Variants in R3HDM2 observed in about 807,000 individuals in gnomAD.
The protein encoded by R3HDM2 is R3H domain containing 2, also known as R3H domain-containing protein 2.
R3HDM2 carries 38 observed loss-of-function variants against 124.5 expected under a neutral mutation model. The observed-to-expected ratio is 0.31, with a 90% CI of 0.24 to 0.40. R3HDM2 has a LOEUF of 0.40. Ranked by LOEUF, R3HDM2 falls within the 10% of genes least tolerant of loss-of-function variation. R3HDM2 has a pLI of 1.00. For missense variants in R3HDM2, 869 were observed against 1,236.9 expected, an observed-to-expected ratio of 0.70 and a Z score of 4.46; for synonymous variants, 391 against 448.0, an observed-to-expected ratio of 0.87 and a Z score of 1.61.
chr12:57,260,124 C>T (rs963610160), intron 19 of R3HDM2, among the ~76,000 whole-genome samples: 21 of 151,482 alleles, frequency 1.4e-4, no homozygotes, highest in African/African-American at 5.1e-4. Context: ...ATGAGCTGGG[C>T]ATGGTGGCAA....
intron 19 of R3HDM2, among the ~76,000 whole-genome samples, chr12:57,261,085 T>C (rs2040697367): frequency 6.6e-6 from 1 of 152,138 alleles, no homozygotes; most frequent in Non-Finnish European, 1.5e-5. Flanking sequence ...ATAGGAAAAC[T>C]GCACAGTTGT....
At chr12:57,393,483 C>T (rs1205405520) in intron 2 of R3HDM2, among the ~76,000 whole-genome samples, 2 of 151,698 alleles carry the variant, frequency 1.3e-5, no homozygotes, top group Admixed American at 1.3e-4. Context: ...TCATCTCTAA[C>T]AAAATAAAAT....
At chr12:57,424,666 G>T (rs937989174) in intron 1 of R3HDM2, among the ~76,000 whole-genome samples, 1 of 152,070 alleles carries the variant, frequency 6.6e-6, no homozygotes, top group South Asian at 2.1e-4. Flanking sequence ...AAAGACACAG[G>T]CCCAACAAAA....
chr12:57,377,127 A>AG (rs2064189100), intron 2 of R3HDM2, among the ~76,000 whole-genome samples: 1 of 141,820 alleles, frequency 7.1e-6, no homozygotes, highest in Admixed American at 7.3e-5. Context: ...TCTCAGAAAA[A>AG]AAAAAAAAAT....
chr12:57,418,746 T>C (rs1384958687), intron 1 of R3HDM2, among the ~76,000 whole-genome samples: 1 of 151,940 alleles, frequency 6.6e-6, no homozygotes, highest in Non-Finnish European at 1.5e-5. Context: ...GTATTTTTGG[T>C]AGAGATGGGG....
intron 2 of R3HDM2, among the ~76,000 whole-genome samples, chr12:57,332,747 G>A (rs1217541316): frequency 6.6e-6 from 1 of 152,144 alleles, no homozygotes; most frequent in Non-Finnish European, 1.5e-5. Context: ...TTACCCTAAG[G>A]TGAGTTATCC....
rs183965547 is a variant in R3HDM2 at position 57,376,874 on chromosome 12, T to A, written c.-36+18875A>T. On this transcript the variant is annotated intron_variant, in intron 2 of 23. Transcript: ENST00000402412. ...GCTGAGACAGAAGAATCACTTGAAC[T>A]CAGGAGGCGGCGGTTGCAATGAGCC... Among the ~76,000 whole-genome samples the A allele has an allele frequency of 1.6e-3, 241 of 151,542 alleles. 1 individual carries two copies. The highest frequency in any genetic ancestry group is 5.4e-3 in the African/African-American group (225 of 41,300).
chr12:57,285,494 T>A (rs936245292), intron 12 of R3HDM2, among the ~76,000 whole-genome samples: 1 of 152,088 alleles, frequency 6.6e-6, no homozygotes, highest in Admixed American at 6.6e-5. Context: ...AATGCTTCTA[T>A]GTAGTTAGTG....
chr12:57,419,144 CT>C lies in R3HDM2; in HGVS notation c.-106+11575del, dbSNP rs923524630. On this transcript the variant is annotated intron_variant, in intron 1 of 23. Coordinates refer to ENST00000402412, the MANE Select transcript of R3HDM2 (RefSeq NM_001394031.1). Reference sequence around the variant, plus strand: ...TATATACCATCCATATTCTCCTTTCCTTTTTTTTTTTTTTTTTGATACGGAT... The same window carrying C: ...TATATACCATCCATATTCTCCTTTCCTTTTTTTTTTTTTTTTGATACGGAT... 2.2e-3 allele frequency among the ~76,000 whole-genome samples: 300 copies of C among 139,264 alleles called. 1 individual carries two copies. Among genetic ancestry groups the C allele is most frequent in the Middle Eastern group, 0.015 (4 of 270 alleles). The allele number at this position is 139,264 out of a possible 152,430, so 91.4% of individuals were successfully genotyped here. A position where few individuals can be genotyped will look rare whatever the true frequency, so the allele number is the denominator to read the frequency against.
At chr12:57,317,160 G>T (rs1459094472) in intron 2 of R3HDM2, among the ~76,000 whole-genome samples, 1 of 151,368 alleles carries the variant, frequency 6.6e-6, no homozygotes, top group Admixed American at 6.6e-5. Flanking sequence ...TGGAATAAAG[G>T]TGTGACCACC....
chr12:57,341,986 C>T (rs190578756), intron 2 of R3HDM2, among the ~76,000 whole-genome samples: 1 of 152,230 alleles, frequency 6.6e-6, no homozygotes, highest in Non-Finnish European at 1.5e-5. Flanking sequence ...AGATAAAAAA[C>T]AGCAAATGAA....
At chr12:57,353,417 C>A (rs1255708026) in intron 2 of R3HDM2, among the ~76,000 whole-genome samples, 1 of 152,070 alleles carries the variant, frequency 6.6e-6, no homozygotes, top group African/African-American at 2.4e-5. Flanking sequence ...TCATGCCACA[C>A]CCAACAGACC....
chr12:57,324,607 G>A (rs1188633314), intron 2 of R3HDM2, among the ~76,000 whole-genome samples: 3 of 152,230 alleles, frequency 2.0e-5, no homozygotes, highest in African/African-American at 7.2e-5. Flanking sequence ...CTGCAAAGGA[G>A]AAACTGCTAT....
chr12:57,383,656 C>T (rs1295053065), intron 2 of R3HDM2, among the ~76,000 whole-genome samples: 3 of 151,942 alleles, frequency 2.0e-5, no homozygotes, highest in Non-Finnish European at 4.4e-5. Context: ...TGCGGTGAGC[C>T]GAGATCATGC....
chr12:57,286,972 T>G (rs2047493957), intron 12 of R3HDM2, among the ~76,000 whole-genome samples: 1 of 152,216 alleles, frequency 6.6e-6, no homozygotes, highest in Non-Finnish European at 1.5e-5. Flanking sequence ...TGTAGTCTGA[T>G]GGTCCATAGC....
chr12:57,291,667 A>C (rs897608915), intron 11 of R3HDM2, among the ~76,000 whole-genome samples: 31 of 142,238 alleles, frequency 2.2e-4, no homozygotes, highest in African/African-American at 7.4e-4. Context: ...AAAAAAAAAC[A>C]AAAAAAAACA....
At chr12:57,430,488 TG>T (rs1869561697) in intron 1 of R3HDM2, 1 of 302,860 alleles carries the variant, frequency 3.3e-6, no homozygotes, top group African/African-American at 2.4e-5. Flanking sequence ...GCCACCCCCC[TG>T]CCCCCGCACC....
intron 1 of R3HDM2, among the ~76,000 whole-genome samples, chr12:57,418,008 T>G (rs979326402): frequency 6.6e-6 from 1 of 152,212 alleles, no homozygotes; most frequent in Non-Finnish European, 1.5e-5. Flanking sequence ...AACCTTCTTG[T>G]GGAGACTACT....
intron 1 of R3HDM2, chr12:57,430,489 G>GCCCCCCCCCCCCCCCCCCCC: frequency 8.9e-6 from 7 of 790,570 alleles, no homozygotes; most frequent in East Asian, 1.3e-4. Context: ...CCACCCCCCT[G>GCCCCCCCCCCCCCCCCCCCC]CCCCCGCACC....
Sources: allele counts gnomAD v4.1 joint callset (sites outside exome capture counted in the v4.1 genomes callset), GRCh38; gene constraint gnomAD v4.1.1; transcripts MANE v1.5; gene names NCBI Gene and HGNC (gene_info 2026-07-23, HGNC 2026-07-21).